The following IL17RD variants were observed in gnomAD, a reference collection of about 807,000 sequenced individuals.
The protein encoded by IL17RD is interleukin 17 receptor D, also known as interleukin-17 receptor D.
IL17RD carries 52 observed loss-of-function variants against 80.5 expected under a neutral mutation model. The observed-to-expected ratio is 0.65, with a 90% CI of 0.52 to 0.81. The LOEUF (loss-of-function observed/expected upper bound fraction) is 0.81. Among genes scored for constraint, IL17RD ranks in the 40% least tolerant of loss-of-function variants. The pLI is 0.00. For missense variants in IL17RD, 1,024 were observed against 955.1 expected (o/e 1.07, Z -0.95); for synonymous variants, 416 against 391.8 (o/e 1.06, Z -0.73).
intron 1 of IL17RD, among the ~76,000 whole-genome samples, chr3:57,162,929 G>A (rs1020246063): frequency 2.6e-5 from 4 of 152,208 alleles, no homozygotes; most frequent in Non-Finnish European, 4.4e-5. Context: ...CCCTGAGGAG[G>A]TACCACCTGA....
chr3:57,156,887 C>T (rs564896854), intron 1 of IL17RD, among the ~76,000 whole-genome samples: 24 of 152,318 alleles, frequency 1.6e-4, no homozygotes, highest in African/African-American at 5.3e-4. Flanking sequence ...CTCAAAGTCC[C>T]TTTGGTAAGA....
At chr3:57,129,066 A>G (rs1707553808) in intron 1 of IL17RD, among the ~76,000 whole-genome samples, 1 of 152,122 alleles carries the variant, frequency 6.6e-6, no homozygotes, top group Non-Finnish European at 1.5e-5. Flanking sequence ...CACCACTCCC[A>G]TCCACTCAAA....
At chr3:57,121,584 T>C (rs1707339187) in intron 1 of IL17RD, among the ~76,000 whole-genome samples, 1 of 152,190 alleles carries the variant, frequency 6.6e-6, no homozygotes, top group African/African-American at 2.4e-5. Context: ...ATAGTTCACC[T>C]TCCTTCTCCA....
intron 2 of IL17RD, among the ~76,000 whole-genome samples, chr3:57,118,301 C>T (rs1707260999): frequency 6.6e-6 from 1 of 152,246 alleles, no homozygotes; most frequent in Non-Finnish European, 1.5e-5. Flanking sequence ...TAAGTCCTCA[C>T]TGGTTAGCCT....
upstream of IL17RD, among the ~76,000 whole-genome samples, chr3:57,166,396 G>A (rs1267124134): frequency 6.6e-6 from 1 of 152,162 alleles, no homozygotes; most frequent in African/African-American, 2.4e-5. Context: ...GCTGAGTGCA[G>A]TGGCCAATCC....
rs76194254 is a variant in IL17RD, at chr3:57,124,156, A to G, written c.127-3843T>C. ...AGGCTGTCCTTAGCTCAACGCCCAA[A>G]TAATACTTCAGCTGCTCTAGAGCCC... On this transcript the variant is annotated intron_variant, in intron 1 of 12. Coordinates refer to ENST00000296318, the MANE Select transcript of IL17RD (RefSeq NM_017563.5). 4.1e-3 allele frequency among the ~76,000 whole-genome samples: 618 copies of G among 152,292 alleles called. 5 individuals carry two copies. Among genetic ancestry groups the G allele is most frequent in the African/African-American group, 0.014 (584 of 41,550 alleles).
intron 1 of IL17RD, among the ~76,000 whole-genome samples, chr3:57,123,872 C>T (rs1707391772): frequency 6.6e-6 from 1 of 152,076 alleles, no homozygotes; most frequent in Non-Finnish European, 1.5e-5. Flanking sequence ...GGTGAAACCC[C>T]ATCTCTACTA....
At chr3:57,111,386 T>A (rs879717120) in intron 3 of IL17RD, among the ~76,000 whole-genome samples, 1 of 152,212 alleles carries the variant, frequency 6.6e-6, no homozygotes, top group Non-Finnish European at 1.5e-5. Flanking sequence ...AGTATTACTG[T>A]GCACAGGTAT....
chr3:57,164,639 G>A (rs973475678), intron 1 of IL17RD, among the ~76,000 whole-genome samples: 9 of 152,170 alleles, frequency 5.9e-5, no homozygotes, highest in African/African-American at 1.9e-4. Flanking sequence ...CCCCAGGCGA[G>A]GAGGAACAAA....
intron 1 of IL17RD, among the ~76,000 whole-genome samples, 162 bp from the exon 2 acceptor site, chr3:57,120,475 A>G (rs971371585): frequency 6.6e-6 from 1 of 152,214 alleles, no homozygotes; most frequent in Non-Finnish European, 1.5e-5. Context: ...GGCCCCCCAC[A>G]GCTGTCAAAC....
chr3:57,136,638 ACTC>A (rs1707734412), intron 1 of IL17RD, among the ~76,000 whole-genome samples: 9 of 42,008 alleles, frequency 2.1e-4, no homozygotes, highest in South Asian at 8.4e-4. Context: ...CCCAACCCCC[ACTC>A]AAAAAAAAAA....
At chr3:57,138,665 G>A (rs1197498479) in intron 1 of IL17RD, among the ~76,000 whole-genome samples, 1 of 152,116 alleles carries the variant, frequency 6.6e-6, no homozygotes, top group Non-Finnish European at 1.5e-5. Flanking sequence ...GCCAGGTGCG[G>A]TGGCTCACAC....
chr3:57,101,528 C>T (rs1362175799), intron 10 of IL17RD, among the ~76,000 whole-genome samples, 165 bp from the exon 11 acceptor site: 1 of 152,216 alleles, frequency 6.6e-6, no homozygotes, highest in Admixed American at 6.5e-5. Flanking sequence ...AATGGGACAG[C>T]TGATTTCCGC....
intron 1 of IL17RD, among the ~76,000 whole-genome samples, chr3:57,163,785 C>CG (rs57632395): frequency 0.021 from 334 of 15,784 alleles, 16 homozygotes; most frequent in East Asian, 0.09. Flanking sequence ...CCTAATGGGG[C>CG]GGGGGGGCGG....
chr3:57,166,011 G>GCCAGACCTGAGATCCAAT (rs2060346700), upstream of IL17RD, among the ~76,000 whole-genome samples: 1 of 152,182 alleles, frequency 6.6e-6, no homozygotes, highest in East Asian at 1.9e-4. Context: ...GCTGTTACCT[G>GCCAGACCTGAGATCCAAT]CCAGACCTGA....
chr3:57,111,693 G>A (rs1009194954), intron 3 of IL17RD, among the ~76,000 whole-genome samples: 2 of 152,166 alleles, frequency 1.3e-5, no homozygotes, highest in Middle Eastern at 3.4e-3. Context: ...CGTTGGGGCC[G>A]GGCGCGGTGA....
chr3:57,098,585 A>AGGCTCGGGAAGT (rs1207528685), intron 11 of IL17RD, 47 bp from the exon 12 acceptor site: 1 of 1,290,898 alleles, frequency 7.7e-7, no homozygotes, highest in Admixed American at 2.2e-5. Flanking sequence ...GCTCGGGAAG[A>AGGCTCGGGAAGT]GGCTCGGGAA....
intron 1 of IL17RD, among the ~76,000 whole-genome samples, chr3:57,126,047 G>A (rs566786780): frequency 1.3e-5 from 2 of 152,206 alleles, no homozygotes; most frequent in African/African-American, 4.8e-5. Flanking sequence ...CTGTTGACCA[G>A]CTTTGTAAAC....
At chr3:57,169,120 C>T (rs549416871), upstream of IL17RD, 4 of 426,982 alleles carry the variant, frequency 9.4e-6, no homozygotes, top group South Asian at 7.0e-5. Flanking sequence ...GACCAGGCCC[C>T]ACATGCCTTT....
Sources: gnomAD v4.1 joint callset for allele counts (sites outside exome capture counted in the v4.1 genomes callset) on GRCh38, gnomAD v4.1.1 for gene constraint, MANE v1.5 for transcripts, NCBI Gene and HGNC (gene_info 2026-07-23, HGNC 2026-07-21) for gene names.